LEMD1: variants seen among roughly 807,000 people sequenced by gnomAD.
The protein encoded by LEMD1 is LEM domain-containing protein 1.
LEMD1 carries 18 observed loss-of-function variants against 17.4 expected under a neutral mutation model. The ratio of observed to expected loss-of-function variants is 1.04; its 90% CI spans 0.72 to 1.54. The LOEUF (loss-of-function observed/expected upper bound fraction) is 1.54. Ranked by LOEUF, LEMD1 falls within the 40% of genes most tolerant of loss-of-function variation. LEMD1 has a pLI of 0.00. For synonymous variants in LEMD1, 88 were observed against 77.8 expected (o/e 1.13, Z -0.69); for missense variants, 195 against 210.4 (o/e 0.93, Z 0.45).
At chr1:205,414,758 T>G (rs1032559751) in intron 4 of LEMD1, among the ~76,000 whole-genome samples, 1 of 151,796 alleles carries the variant, frequency 6.6e-6, no homozygotes, top group Non-Finnish European at 1.5e-5. Flanking sequence ...TGTGGTGGAG[T>G]GTACCTGTAG....
chr1:205,412,811 TG>T (rs1208139346), intron 4 of LEMD1, among the ~76,000 whole-genome samples: 4 of 152,162 alleles, frequency 2.6e-5, no homozygotes, highest in Non-Finnish European at 5.9e-5. Context: ...AAAATATCGA[TG>T]TGGTTTTATT....
intron 4 of LEMD1, among the ~76,000 whole-genome samples, chr1:205,406,680 C>T (rs1288214374): frequency 6.6e-6 from 1 of 152,232 alleles, no homozygotes; most frequent in South Asian, 2.1e-4. Flanking sequence ...ATGCCTCACC[C>T]TGCTTTGGCT....
At chr1:205,402,018 T>C (rs1025677147) in intron 4 of LEMD1, among the ~76,000 whole-genome samples, 18 of 152,176 alleles carry the variant, frequency 1.2e-4, no homozygotes, top group Admixed American at 9.2e-4. Flanking sequence ...GTTGTAGATA[T>C]GCGGCGTTAT....
At chr1:205,414,367 G>A (rs1037523721) in intron 4 of LEMD1, among the ~76,000 whole-genome samples, 2 of 151,294 alleles carry the variant, frequency 1.3e-5, no homozygotes, top group African/African-American at 2.4e-5. Context: ...AGGATCACTC[G>A]AGGCCAAGAG....
intron 1 of LEMD1, among the ~76,000 whole-genome samples, chr1:205,427,501 G>A (rs1250688635): frequency 1.3e-5 from 2 of 151,596 alleles, no homozygotes; most frequent in Non-Finnish European, 2.9e-5. Flanking sequence ...GAGAGAGAGA[G>A]AGAGAGACAG....
At chr1:205,397,662 G>A (rs1316224721) in intron 4 of LEMD1, among the ~76,000 whole-genome samples, 4 of 152,104 alleles carry the variant, frequency 2.6e-5, no homozygotes, top group South Asian at 4.2e-4. Context: ...TAGTGCTTAC[G>A]AAGCCCTGAC....
At chr1:205,430,476 G>A (rs1044000901) in intron 1 of LEMD1, among the ~76,000 whole-genome samples, 3 of 152,174 alleles carry the variant, frequency 2.0e-5, no homozygotes, top group Non-Finnish European at 4.4e-5. Flanking sequence ...TAGGGTAGGG[G>A]TGGACAACCA....
chr1:205,438,947 T>TCCACTTTCCTAAC (rs1434412612), intron 1 of LEMD1, among the ~76,000 whole-genome samples: 1 of 152,176 alleles, frequency 6.6e-6, no homozygotes, highest in Non-Finnish European at 1.5e-5. Flanking sequence ...ACGTACTTTC[T>TCCACTTTCCTAAC]CCACTTTCCT....
At chr1:205,427,345 G>C (rs529314386) in intron 1 of LEMD1, among the ~76,000 whole-genome samples, 1 of 151,728 alleles carries the variant, frequency 6.6e-6, no homozygotes, top group Admixed American at 6.6e-5. Context: ...GCTGATGAGG[G>C]GACATCACTC....
At chr1:205,436,603 G>C (rs993369903) in intron 1 of LEMD1, 1 of 152,120 alleles carries the variant, frequency 6.6e-6, no homozygotes, top group Non-Finnish European at 1.5e-5. Flanking sequence ...TGGGAGCAGG[G>C]TGATGATGGT....
intron 4 of LEMD1, among the ~76,000 whole-genome samples, chr1:205,400,652 G>T (rs1187099508): frequency 6.6e-6 from 1 of 152,110 alleles, no homozygotes; most frequent in East Asian, 1.9e-4. Context: ...AGTAATAGGT[G>T]TGATAGAAGC....
intron 4 of LEMD1, among the ~76,000 whole-genome samples, chr1:205,396,786 G>A (rs921484954): frequency 6.6e-6 from 1 of 152,172 alleles, no homozygotes; most frequent in Non-Finnish European, 1.5e-5. Context: ...AGGATAAGTA[G>A]AAAATTCAGG....
intron 4 of LEMD1, among the ~76,000 whole-genome samples, chr1:205,388,610 C>A (rs1664162672): frequency 6.6e-6 from 1 of 152,170 alleles, no homozygotes; most frequent in Non-Finnish European, 1.5e-5. Flanking sequence ...TCATAAAAGG[C>A]ATAGCTATAA....
chr1:205,396,812 G>T (rs1006006988), intron 4 of LEMD1, among the ~76,000 whole-genome samples: 5 of 152,188 alleles, frequency 3.3e-5, no homozygotes, highest in African/African-American at 9.7e-5. Context: ...GGTTGCCATG[G>T]GGGAAAAGGA....
intron 4 of LEMD1, among the ~76,000 whole-genome samples, chr1:205,404,169 G>T (rs906937766): frequency 1.3e-5 from 2 of 152,212 alleles, no homozygotes; most frequent in Non-Finnish European, 2.9e-5. Flanking sequence ...TGAAAAAAAT[G>T]TATATTCTGT....
chr1:205,398,497 C>G (rs1664691510), intron 4 of LEMD1, among the ~76,000 whole-genome samples: 1 of 152,148 alleles, frequency 6.6e-6, no homozygotes, highest in Non-Finnish European at 1.5e-5. Flanking sequence ...AAAGTTTTGG[C>G]AGAAAGACAT....
chr1:205,434,346 A>AT (rs1459930982), intron 1 of LEMD1, among the ~76,000 whole-genome samples: 25 of 131,112 alleles, frequency 1.9e-4, no homozygotes, highest in East Asian at 1.7e-3. Context: ...TAAGTAAAAA[A>AT]AAATATATAT....
chr1:205,398,365 C>T (rs1024306585), intron 4 of LEMD1, among the ~76,000 whole-genome samples: 10 of 152,182 alleles, frequency 6.6e-5, no homozygotes, highest in African/African-American at 2.2e-4. Context: ...TATATATTCC[C>T]ATGATACACT....
upstream of LEMD1, among the ~76,000 whole-genome samples, chr1:205,426,425 C>T (rs1206223627): frequency 1.3e-5 from 2 of 152,154 alleles, no homozygotes; most frequent in East Asian, 3.9e-4. Flanking sequence ...TAATCAAATA[C>T]CAATAGAGTG....
Sources: allele counts gnomAD v4.1 joint callset (sites outside exome capture counted in the v4.1 genomes callset), GRCh38; gene constraint gnomAD v4.1.1; transcripts MANE v1.5; gene names NCBI Gene and HGNC (gene_info 2026-07-23, HGNC 2026-07-21).